The following PIEZO2 variants were observed in gnomAD, a reference collection of about 807,000 sequenced individuals.
PIEZO2 encodes the protein piezo-type mechanosensitive ion channel component 2.
In PIEZO2, 172 loss-of-function variants were observed where a neutral mutation model predicts 337.3. That is an observed-to-expected ratio of 0.51 (90% confidence interval 0.45 to 0.58). The LOEUF (loss-of-function observed/expected upper bound fraction) is 0.58. Ranked by LOEUF, PIEZO2 falls within the 20% of genes least tolerant of loss-of-function variation. PIEZO2 has a pLI of 0.00. For synonymous variants in PIEZO2, 1,251 were observed against 1,228.5 expected (o/e 1.02, Z -0.38); for missense variants, 3,028 against 3,391.3 (o/e 0.89, Z 2.66).
At chr18:10,829,707 T>G (rs1211198339) in intron 7 of PIEZO2, among the ~76,000 whole-genome samples, 1 of 151,940 alleles carries the variant, frequency 6.6e-6, no homozygotes, top group African/African-American at 2.4e-5. Context: ...TTATAACAGT[T>G]ACAAACAAAA....
At chr18:10,770,329 A>T (rs1320621994) in intron 20 of PIEZO2, 21 bp from the exon 21 acceptor site, 2 of 1,521,484 alleles carry the variant, frequency 1.3e-6, no homozygotes, top group Admixed American at 4.2e-5. Flanking sequence ...GGAAGTACAG[A>T]CAAGAGCATA....
At chr18:10,999,955 C>T (rs2035471006) in intron 2 of PIEZO2, among the ~76,000 whole-genome samples, 1 of 152,146 alleles carries the variant, frequency 6.6e-6, no homozygotes, top group Non-Finnish European at 1.5e-5. Context: ...CATGAAGTTG[C>T]TAATACCTAA....
At chr18:10,740,639 C>T (rs973450120) in intron 33 of PIEZO2, 11 of 305,968 alleles carry the variant, frequency 3.6e-5, no homozygotes, top group Non-Finnish European at 6.9e-5. Context: ...AATCAGAGTC[C>T]AAGGTGGAGC....
intron 3 of PIEZO2, among the ~76,000 whole-genome samples, chr18:10,948,234 C>A (rs2033123552): frequency 6.6e-6 from 1 of 151,946 alleles, no homozygotes; most frequent in African/African-American, 2.4e-5. Flanking sequence ...TGAGTCAATA[C>A]AATATTACAT....
rs1259152634 is a variant in PIEZO2, at chr18:10,752,888, C to T, written c.3924-9G>A. The T allele has an allele frequency of 1.3e-6, 2 of 1,523,710 alleles. No homozygotes were observed. The highest frequency in any genetic ancestry group is 2.0e-5 in the Admixed American group (1 of 49,336). The allele number at this position is 1,523,710 out of a possible 1,614,324, so 94.4% of individuals were successfully genotyped here. ...ACATGTCTAAGTAAGATCTGGAAAA[C>T]AAAGCCAGTGACAAAAAGACAACAA... On this transcript the variant is annotated splice_polypyrimidine_tract_variant and intron_variant, in intron 27 of 55. Coordinates refer to ENST00000674853, the MANE Select transcript of PIEZO2 (RefSeq NM_001378183.1).
rs2042305850 is a variant in PIEZO2, at chr18:10,877,722, C to T, written c.330-6307G>A. Reference sequence around the variant, plus strand: ...ATTTCATCTCAGGTTGTCCCCTCTGCCAGCCAGGCCTCCACATTAATATCA... The same window carrying T: ...ATTTCATCTCAGGTTGTCCCCTCTGTCAGCCAGGCCTCCACATTAATATCA... On this transcript the variant is annotated intron_variant, in intron 4 of 55. Transcript: ENST00000674853. The surrounding 1 kb of genome is among the most constrained non-coding windows in gnomAD (Gnocchi z 5.3). Among the ~76,000 whole-genome samples, 1 of 152,138 alleles carries T rather than the reference C, an allele frequency of 6.6e-6. No individual in the cohort carries two copies. Among genetic ancestry groups the T allele is most frequent in the Non-Finnish European group, 1.5e-5 (1 of 68,022 alleles).
rs1274069286 is a variant in PIEZO2 at position 10,877,278 on chromosome 18, T to C, written c.330-5863A>G. ...AATCAGAATCACAGATCAATGAACA[T>C]TTTCTAGCACACCATTTCCCAAAAG... On this transcript the variant is annotated intron_variant, in intron 4 of 55. Coordinates refer to ENST00000674853, the MANE Select transcript of PIEZO2 (RefSeq NM_001378183.1). The surrounding 1 kb of genome is among the most constrained non-coding windows in gnomAD (Gnocchi z 5.3). Among the ~76,000 whole-genome samples the C allele has an allele frequency of 6.6e-6, 1 of 152,224 alleles. No individual in the cohort carries two copies. The highest frequency in any genetic ancestry group is 1.5e-5 in the Non-Finnish European group (1 of 68,044).
At chr18:11,072,644 C>T (rs2038385860) in intron 1 of PIEZO2, among the ~76,000 whole-genome samples, 1 of 152,196 alleles carries the variant, frequency 6.6e-6, no homozygotes, top group African/African-American at 2.4e-5. Flanking sequence ...CATCATTTTA[C>T]AAAGTCTTTT....
Position 10,750,165 on chromosome 18 carries a change from C to T in PIEZO2, c.4190G>A (p.Gly1397Glu). The T allele has an allele frequency of 6.5e-7, 1 of 1,537,004 alleles. No homozygotes were observed. Among genetic ancestry groups the T allele is most frequent in the African/African-American group, 1.4e-5 (1 of 73,152 alleles). ...CCAACAACTATTGTGCACCAATGTT[C>T]CAATGTATCCACATGCTCCTATCTG... ...ILSIGACGYI[G>E]TLVHNSCWLI... Residue 1397 changes from glycine to glutamate, a missense_variant, in exon 29 of 56, where the codon GGA (glycine) becomes GAA (glutamate). By Grantham distance (98) the Gly-to-Glu change is moderately conservative (BLOSUM62 -2). Around this residue, in one of 5 missense-constraint regions of PIEZO2, gnomAD observed 1,925 missense variants for 2,051.9 expected, o/e 0.94. Transcript: ENST00000674853. The surrounding 1 kb of genome is among the most constrained non-coding windows in gnomAD (Gnocchi z 4.1).
Position 10,952,584 on chromosome 18 carries a change from C to T in PIEZO2, c.286+26951G>A, listed in dbSNP as rs1218027241. ...TTGACCTGTGTAGTCCATCCAGGGA[C>T]CAAGTTTGCTGAAAGACATTGAAGT... On this transcript the variant is annotated intron_variant, in intron 3 of 55. Coordinates refer to ENST00000674853, the MANE Select transcript of PIEZO2 (RefSeq NM_001378183.1). This position sits in a 1 kb window ranked among gnomAD's most constrained non-coding sequence, Gnocchi z 4.1. Among the ~76,000 whole-genome samples, 2 of 152,238 alleles carry T rather than the reference C, an allele frequency of 1.3e-5. No individual in the cohort carries two copies. The highest frequency in any genetic ancestry group is 4.2e-4 in the South Asian group (2 of 4,816).
rs1007809657 is a variant in PIEZO2 at position 11,111,726 on chromosome 18, G to C, written c.64+36799C>G. ...CTTGAACTGACACCGTCACACCCTC[G>C]GGGAATCCGTAGCCAGGCACCAGTC... On this transcript the variant is annotated intron_variant, in intron 1 of 55. Coordinates refer to ENST00000674853, the MANE Select transcript of PIEZO2 (RefSeq NM_001378183.1). This position sits in a 1 kb window ranked among gnomAD's most constrained non-coding sequence, Gnocchi z 6.2. 6.6e-6 allele frequency among the ~76,000 whole-genome samples: 1 copy of C among 152,124 alleles called. No homozygotes were observed. The highest frequency in any genetic ancestry group is 1.5e-5 in the Non-Finnish European group (1 of 68,028).
chr18:10,914,502 C>A (rs748097426), intron 3 of PIEZO2, among the ~76,000 whole-genome samples: 8 of 152,036 alleles, frequency 5.3e-5, no homozygotes, highest in African/African-American at 7.2e-5. Context: ...ATTATAATAC[C>A]TAGTAATAGA....
At chr18:10,771,321 G>T (rs1040699967) in intron 20 of PIEZO2, among the ~76,000 whole-genome samples, 9 of 152,178 alleles carry the variant, frequency 5.9e-5, no homozygotes, top group Non-Finnish European at 8.8e-5. Flanking sequence ...CTGAAACATG[G>T]TCAGATTCAT....
intron 27 of PIEZO2, among the ~76,000 whole-genome samples, chr18:10,754,792 C>G (rs1235053204): frequency 1.3e-5 from 2 of 152,140 alleles, no homozygotes; most frequent in Non-Finnish European, 2.9e-5. Flanking sequence ...CATATTGAGC[C>G]TCTTATGCTA....
In PIEZO2 at chr18:10,672,714, C is replaced by T. The variant is rs1377525433; in HGVS notation, c.8321G>A (p.Ser2774Asn). 7 of 1,613,996 alleles carry T rather than the reference C, an allele frequency of 4.3e-6. No individual in the cohort carries two copies. The highest frequency in any genetic ancestry group is 5.9e-6 in the Non-Finnish European group (7 of 1,179,954). ...VVFNDKVSPP[S>N]LGFLAGYGIM... ...CCCATAGCCAGCCAGGAACCCCAGA[C>T]TTGGGGGACTGACTTTGTCATTGAA... Residue 2774 changes from serine (S) to asparagine (N), a missense_variant, in exon 55 of 56, where the codon AGT becomes AAT. This residue lies in a region of PIEZO2 where 332 missense variants were observed against 363.8 expected (regional missense o/e 0.91). Transcript: ENST00000674853. The surrounding 1 kb of genome is among the most constrained non-coding windows in gnomAD (Gnocchi z 4.7).
intron 7 of PIEZO2, among the ~76,000 whole-genome samples, chr18:10,814,984 G>A (rs1432597982): frequency 2.0e-5 from 3 of 152,156 alleles, no homozygotes; most frequent in South Asian, 2.1e-4. Context: ...GCCACCCATC[G>A]ATGGTCCCTG....
rs1264654255 is a variant in PIEZO2, at chr18:10,705,564, G to A, written c.5771C>T (p.Pro1924Leu). 1 of 1,537,232 alleles carries A rather than the reference G, an allele frequency of 6.5e-7. No homozygotes were observed. The highest frequency in any genetic ancestry group is 2.4e-5 in the East Asian group (1 of 40,902). Residue 1924 changes from proline to leucine, a missense_variant, in exon 41 of 56, where the codon CCA becomes CTA. Physicochemically the swap from Pro to Leu is moderately conservative, Grantham distance 98. Coordinates refer to ENST00000674853, the MANE Select transcript of PIEZO2 (RefSeq NM_001378183.1). ...AMGAEEASLTPEEELTQFSTL... is the reference protein window; with the variant it reads ...AMGAEEASLTLEEELTQFSTL... ...GGAGAACTGTGTCAGCTCTTCCTCT[G>A]GGGTGAGGCTGGCCTCCTCGGCACC... is the stretch of plus-strand genomic sequence containing the variant.
intron 1 of PIEZO2, among the ~76,000 whole-genome samples, chr18:11,090,843 G>T (rs1006589154): frequency 1.3e-5 from 2 of 151,450 alleles, no homozygotes; most frequent in Non-Finnish European, 2.9e-5. Flanking sequence ...AACCCGGGGG[G>T]GCAAAGCTTG....
In PIEZO2 at chr18:10,741,079, T is replaced by C; in HGVS notation, c.4660A>G (p.Lys1554Glu). The change falls in exon 33 of 56, where the codon AAG becomes GAG. Residue 1554 changes from lysine to glutamate, a missense_variant. By Grantham distance (56) the Lys-to-Glu change is moderately conservative (BLOSUM62 1). Coordinates refer to ENST00000674853, the MANE Select transcript of PIEZO2 (RefSeq NM_001378183.1). ...CGCCACCACTGCTTTTTTTTGCCCTTGGCTTTCTGTTTGTCTGCTTCTCCT... is the reference window on the plus strand; with the variant it reads ...CGCCACCACTGCTTTTTTTTGCCCTCGGCTTTCTGTTTGTCTGCTTCTCCT... ...DEREADKQKA[K>E]GKKKQWWRPW... 6.5e-7 allele frequency: 1 copy of C among 1,536,950 alleles called. No homozygotes were observed. Among genetic ancestry groups the C allele is most frequent in the South Asian group, 1.2e-5 (1 of 83,980 alleles).
Sources: allele counts gnomAD v4.1 joint callset (sites outside exome capture counted in the v4.1 genomes callset), GRCh38; gene constraint gnomAD v4.1.1; regional missense constraint gnomAD v4.1.1; non-coding constraint Gnocchi (gnomAD v3.1); transcripts MANE v1.5; gene names NCBI Gene and HGNC (gene_info 2026-07-23, HGNC 2026-07-21).